The following DSC3 variants were observed in gnomAD, a reference collection of about 807,000 sequenced individuals.
DSC3 encodes desmocollin 3, also known as desmocollin-3.
A neutral mutation model predicts 89.5 loss-of-function variants in DSC3; 97 were observed. The observed-to-expected ratio is 1.08, with a 90% CI of 0.92 to 1.28. The LOEUF is 1.28. DSC3 is among the 50% of genes most tolerant of loss of function. The pLI is 0.00. For missense variants in DSC3, 1,199 were observed against 1,085.3 expected (o/e 1.10, Z -1.47); for synonymous variants, 436 against 384.1 (o/e 1.14, Z -1.58).
chr18:31,007,206 A>G, intron 11 of DSC3, 75 bp from the exon 12 acceptor site: 5 of 1,014,894 alleles, frequency 4.9e-6, no homozygotes, highest in Non-Finnish European at 7.5e-6. Flanking sequence ...AAAGTCAATT[A>G]TATTCTATAC....
chr18:31,007,560 A>G (rs2144691132), intron 11 of DSC3, among the ~76,000 whole-genome samples: 1 of 152,322 alleles, frequency 6.6e-6, no homozygotes, highest in East Asian at 1.9e-4. Context: ...TTAGTCTAAC[A>G]AAGTATCTAC....
In DSC3 at chr18:30,993,275, T is replaced by G. The variant is rs911449824; in HGVS notation, c.*900A>C. On this transcript the variant is annotated 3_prime_UTR_variant, in exon 16 of 16. Coordinates refer to ENST00000360428, the MANE Select transcript of DSC3 (RefSeq NM_001941.5). ...CCAGCTGCAGCGAGTATTCCCCAGT[T>G]TGCTACTAACTTGTGGATGCAGAAA... 4.6e-5 allele frequency: 7 copies of G among 152,182 alleles called. No homozygotes were observed. The highest frequency in any genetic ancestry group is 1.3e-4 in the Admixed American group (2 of 15,286). The allele number at this position is 152,182 out of a possible 1,614,324, so 9.4% of individuals were successfully genotyped here. A position where few individuals can be genotyped will look rare whatever the true frequency, so the allele number is the denominator to read the frequency against.
In DSC3 at chr18:30,997,015, T is replaced by C. The variant is rs1260642956; in HGVS notation, c.2269A>G (p.Asn757Asp). ...CCACAAAAACCTTGGCTAGAGTTGTTGGTAGTTTGGGTCATAAATCCATTG... is the reference window on the plus strand; with the variant it reads ...CCACAAAAACCTTGGCTAGAGTTGTCGGTAGTTTGGGTCATAAATCCATTG... ...SANGFMTQTT[N>D]NSSQGFCGTM... The change falls in exon 15 of 16, where the codon AAC becomes GAC. Residue 757 changes from asparagine (N) to aspartate (D), a missense_variant. Physicochemically the swap from Asn to Asp is conservative, Grantham distance 23. Coordinates refer to ENST00000360428, the MANE Select transcript of DSC3 (RefSeq NM_001941.5). The C allele has an allele frequency of 1.2e-6, 2 of 1,614,044 alleles. No individual in the cohort carries two copies. The highest frequency in any genetic ancestry group is 1.3e-5 in the African/African-American group (1 of 74,928).
intron 12 of DSC3, 105 bp from the exon 13 acceptor site, chr18:31,004,471 C>A: frequency 1.0e-6 from 1 of 974,360 alleles, no homozygotes; most frequent in South Asian, 1.5e-5. Flanking sequence ...AAGGAACTGC[C>A]TGCCAGATGA....
chr18:31,033,182 A>G (rs892518038), intron 1 of DSC3, among the ~76,000 whole-genome samples: 2 of 152,198 alleles, frequency 1.3e-5, no homozygotes, highest in African/African-American at 4.8e-5. Flanking sequence ...AGATAAATAG[A>G]GAGATAGCCC....
At chr18:31,036,726 G>A (rs1221069318) in intron 1 of DSC3, among the ~76,000 whole-genome samples, 1 of 150,504 alleles carries the variant, frequency 6.6e-6, no homozygotes, top group African/African-American at 2.4e-5. Flanking sequence ...GGGCTCTTGA[G>A]ACTTTCCATC....
chr18:31,017,604 A>G (rs1311444422), intron 9 of DSC3, among the ~76,000 whole-genome samples: 1 of 152,204 alleles, frequency 6.6e-6, no homozygotes, highest in Non-Finnish European at 1.5e-5. Flanking sequence ...AATGAGAAGA[A>G]TATGGGTTTG....
At chr18:31,002,410 G>C (rs1984692656) in intron 13 of DSC3, among the ~76,000 whole-genome samples, 1 of 152,084 alleles carries the variant, frequency 6.6e-6, no homozygotes, top group Admixed American at 6.6e-5. Flanking sequence ...TTTATAATGT[G>C]AAAATTACAG....
rs1409085791 is a variant in DSC3, at chr18:31,018,183, A to G, written c.1151T>C (p.Ile384Thr). 5 of 1,612,572 alleles carry G rather than the reference A, an allele frequency of 3.1e-6. No homozygotes were observed. The highest frequency in any genetic ancestry group is 3.3e-5 in the Admixed American group (2 of 59,972). Residue 384 changes from isoleucine (I) to threonine (T), a missense_variant, in exon 9 of 16, where the codon ATT becomes ACT. By Grantham distance (89) the Ile-to-Thr change is moderately conservative. Coordinates refer to ENST00000360428, the MANE Select transcript of DSC3 (RefSeq NM_001941.5). ...LRIPIEDKDL[I>T]NTANWRVNFT... Reference sequence around the variant, plus strand: ...ATTGACTCTCCAATTGGCAGTGTTAATTAAATCCTTATCTTCTATAGGTAT... The same window carrying G: ...ATTGACTCTCCAATTGGCAGTGTTAGTTAAATCCTTATCTTCTATAGGTAT...
intron 9 of DSC3, among the ~76,000 whole-genome samples, chr18:31,012,841 T>A (rs1985115821): frequency 6.6e-6 from 1 of 152,092 alleles, no homozygotes; most frequent in African/African-American, 2.4e-5. Flanking sequence ...TAGACAGAAA[T>A]TAGACAAAAC....
At chr18:30,997,124 G>T (rs962651653) in intron 14 of DSC3, 76 bp from the exon 15 acceptor site, 5 of 1,545,834 alleles carry the variant, frequency 3.2e-6, no homozygotes, top group East Asian at 2.3e-5. Context: ...AAAGGAGAGA[G>T]AATATTTGTT....
chr18:31,006,029 A>G (rs1010684176), intron 12 of DSC3, among the ~76,000 whole-genome samples: 4 of 152,206 alleles, frequency 2.6e-5, no homozygotes, highest in Admixed American at 6.5e-5. Context: ...GGCTATATAC[A>G]CAAAAGCCCA....
At position 30,996,796 on chromosome 18, in the gene DSC3, C is replaced by A. The variant is rs142851621; in HGVS notation, c.2488G>T (p.Gly830Cys). 1 of 1,613,492 alleles carries A rather than the reference C, an allele frequency of 6.2e-7. No individual in the cohort carries two copies. The highest frequency in any genetic ancestry group is 1.7e-5 in the Admixed American group (1 of 59,996). The part of the protein sequence containing the change: ...EWHSFTQPRL[G>C]EKLHRCNQNE... ...AAACACCTAAGGAAACTCACTTCAC[C>A]GAGACGGGGTTGAGTAAAACTGTGC... The change falls in exon 15 of 16, where the codon GGT becomes TGT. Residue 830 changes from glycine to cysteine, a missense_variant. Physicochemically the swap from Gly to Cys is radical, Grantham distance 159 (BLOSUM62 -3). Transcript: ENST00000360428.
chr18:31,012,401 A>G (rs1985100340), intron 9 of DSC3, among the ~76,000 whole-genome samples: 1 of 152,238 alleles, frequency 6.6e-6, no homozygotes, highest in Non-Finnish European at 1.5e-5. Context: ...ATACCAAGCC[A>G]GAAGGAGAAC....
chr18:31,030,321 G>C (rs1212342189), intron 3 of DSC3, among the ~76,000 whole-genome samples: 1 of 152,156 alleles, frequency 6.6e-6, no homozygotes, highest in Admixed American at 6.5e-5. Context: ...TATTTCATAA[G>C]AATTAATTAA....
chr18:30,994,106 G>T lies in DSC3; in HGVS notation c.*69C>A. ...CATCATATACATACATGTTGAAATT[G>T]AACTTTACAATATTATTTTTGGAAA... On this transcript the variant is annotated 3_prime_UTR_variant, in exon 16 of 16. Transcript: ENST00000360428. 2 of 1,452,006 alleles carry T rather than the reference G, an allele frequency of 1.4e-6. No individual in the cohort carries two copies. The highest frequency in any genetic ancestry group is 1.9e-6 in the Non-Finnish European group (2 of 1,036,610). The allele number at this position is 1,452,006 out of a possible 1,614,324, so 89.9% of individuals were successfully genotyped here. A position where few individuals can be genotyped will look rare whatever the true frequency, so the allele number is the denominator to read the frequency against.
rs118043995 is a variant in DSC3, at chr18:30,997,649, T to G, written c.2236-601A>C. Among the ~76,000 whole-genome samples, 219 of 152,318 alleles carry G rather than the reference T, an allele frequency of 1.4e-3. 4 individuals are homozygous for G. The East Asian group carries it at 0.04, about 28-fold the overall frequency. Reference sequence around the variant, plus strand: ...TATAAAGATAGACATAGTCTCTCGATGGCTCCAAGAAGATCTTATTCCAGG... The same window carrying G: ...TATAAAGATAGACATAGTCTCTCGAGGGCTCCAAGAAGATCTTATTCCAGG... On this transcript the variant is annotated intron_variant, in intron 14 of 15. Transcript: ENST00000360428.
At chr18:31,041,550 G>A (rs1005846881) in intron 1 of DSC3, among the ~76,000 whole-genome samples, 3 of 152,188 alleles carry the variant, frequency 2.0e-5, no homozygotes, top group East Asian at 1.9e-4. Context: ...GCTCACTGCC[G>A]ACGCGGGTAT....
At position 31,031,157 on chromosome 18, in the gene DSC3, C is replaced by A. The variant is rs1985779403; in HGVS notation, c.170G>T (p.Cys57Phe). The A allele has an allele frequency of 1.9e-6, 3 of 1,610,870 alleles. No homozygotes were observed. Among genetic ancestry groups the A allele is most frequent in the Non-Finnish European group, 2.5e-6 (3 of 1,178,900 alleles). The change falls in exon 3 of 16, where the codon TGC (cysteine) becomes TTC (phenylalanine). Residue 57 changes from cysteine (C) to phenylalanine (F), a missense_variant. Coordinates refer to ENST00000360428, the MANE Select transcript of DSC3 (RefSeq NM_001941.5). Reference protein sequence around the residue: ...KIIGRVNLEECFRSADLIRSS... With the variant: ...KIIGRVNLEEFFRSADLIRSS... Reference sequence around the variant, plus strand: ...CCGGATGAGGTCTGCAGACCTGAAGCACTCTTCCAAATTAACTGCAAGTAA... The same window carrying A: ...CCGGATGAGGTCTGCAGACCTGAAGAACTCTTCCAAATTAACTGCAAGTAA...
Sources: allele counts gnomAD v4.1 joint callset (sites outside exome capture counted in the v4.1 genomes callset), GRCh38; gene constraint gnomAD v4.1.1; transcripts MANE v1.5; gene names NCBI Gene and HGNC (gene_info 2026-07-23, HGNC 2026-07-21).